The following ERBIN variants were observed in gnomAD, a reference collection of about 807,000 sequenced individuals.
ERBIN encodes erbb2 interacting protein.
In ERBIN, 60 loss-of-function variants were observed where a neutral mutation model predicts 158.4. That is an observed-to-expected ratio of 0.38 (90% confidence interval 0.31 to 0.47). The LOEUF is 0.47. ERBIN is among the 20% of genes least tolerant of loss of function. The pLI is 0.99. For missense variants in ERBIN, 1,610 were observed against 1,648.0 expected, an observed-to-expected ratio of 0.98 and a Z score of 0.40; for synonymous variants, 594 against 557.2, an observed-to-expected ratio of 1.07 and a Z score of -0.93.
Position 66,053,652 on chromosome 5 carries a change from A to G in ERBIN, c.2334A>G (p.Pro778=). 1.2e-6 allele frequency: 2 copies of G among 1,613,454 alleles called. No homozygotes were observed. Among genetic ancestry groups the G allele is most frequent in the Non-Finnish European group, 1.7e-6 (2 of 1,179,792 alleles). The change falls in exon 21 of 26, where the codon CCA becomes CCG. Residue 778 remains proline, a synonymous_variant. Coordinates refer to ENST00000284037, the MANE Select transcript of ERBIN (RefSeq NM_001253697.2). ...TTATAACTAATGATACATTTCAACC[A>G]GAGATCATGGAAAGATCAAAAACAC... is the stretch of plus-strand genomic sequence containing the variant. ...NKLITNDTFQ[P]EIMERSKTQD...
In ERBIN at chr5:66,023,240, T is replaced by C. The variant is rs565034098; in HGVS notation, c.598-50T>C. ...GGGCTTCTTTTGCCAGATAAAGACA[T>C]TCATAAAAATTAATTGAATTACTGC... On this transcript the variant is annotated intron_variant, in intron 8 of 25. Coordinates refer to ENST00000284037, the MANE Select transcript of ERBIN (RefSeq NM_001253697.2). The C allele has an allele frequency of 4.5e-6, 6 of 1,330,572 alleles. No homozygotes were observed. The Admixed American group carries it at 1.1e-4, about 24-fold the overall frequency. The allele number at this position is 1,330,572 out of a possible 1,614,324, so 82.4% of individuals were successfully genotyped here.
rs1449280247 is a variant in ERBIN at position 66,006,169 on chromosome 5, A to G, written c.308-5880A>G. ...ACTACAAGGCTACAGTAACTAAAAC[A>G]GCATAGTACTGATACCAAAACAGAG... On this transcript the variant is annotated intron_variant, in intron 4 of 25. Transcript: ENST00000284037. Among the ~76,000 whole-genome samples, 4 of 152,232 alleles carry G rather than the reference A, an allele frequency of 2.6e-5. No individual in the cohort carries two copies. In the East Asian group the frequency reaches 5.8e-4, roughly 22 times the overall value.
Position 66,050,785 on chromosome 5 carries a change from G to A in ERBIN, c.1906G>A (p.Asp636Asn). 6.6e-7 allele frequency: 1 copy of A among 1,520,334 alleles called. No homozygotes were observed. The highest frequency in any genetic ancestry group is 8.8e-7 in the Non-Finnish European group (1 of 1,134,536). The allele number at this position is 1,520,334 out of a possible 1,614,324, so 94.2% of individuals were successfully genotyped here. A position where few individuals can be genotyped will look rare whatever the true frequency, so the allele number is the denominator to read the frequency against. The change falls in exon 20 of 26, where the codon GAT (aspartate) becomes AAT (asparagine). Residue 636 changes from aspartate (D) to asparagine (N), a missense_variant and splice_region_variant. Asp to Asn is a conservative substitution (Grantham distance 23). Transcript: ENST00000284037. Reference protein sequence around the residue: ...VVALSNNKKDDTKETDSLSDE... With the variant: ...VVALSNNKKDNTKETDSLSDE... ...ATCTTAAATTTGTTTTGTTTCAGAT[G>A]ATACAAAGGAAACAGATTCTTTATC...
chr5:65,957,604 A>G (rs1027084672), intron 1 of ERBIN, among the ~76,000 whole-genome samples: 17 of 152,322 alleles, frequency 1.1e-4, no homozygotes, highest in South Asian at 2.1e-4. Flanking sequence ...GGAGTCTCCC[A>G]TGTCTACTTC....
At chr5:66,032,142 CAGTG>C (rs772201751) in intron 14 of ERBIN, among the ~76,000 whole-genome samples, 1 of 152,088 alleles carries the variant, frequency 6.6e-6, no homozygotes, top group Non-Finnish European at 1.5e-5. Flanking sequence ...AAGAGTGTAA[CAGTG>C]AGACGGAAAA....
rs571153632 is a variant in ERBIN at position 65,957,954 on chromosome 5, G to A, written c.-57-30681G>A. Among the ~76,000 whole-genome samples the A allele has an allele frequency of 8.5e-3, 1,290 of 151,218 alleles. 17 individuals are homozygous for A. Among genetic ancestry groups the A allele is most frequent in the African/African-American group, 0.029 (1,210 of 41,088 alleles). On this transcript the variant is annotated intron_variant, in intron 1 of 25. Transcript: ENST00000284037. ...CACTTCTCAGATGGGGCGGCTGCTG[G>A]GCGGAGGGGCTCCTCACCTCCCAGA... is the stretch of plus-strand genomic sequence containing the variant.
chr5:66,006,325 A>G (rs1404291549), intron 4 of ERBIN, among the ~76,000 whole-genome samples: 1 of 152,228 alleles, frequency 6.6e-6, no homozygotes, highest in Non-Finnish European at 1.5e-5. Context: ...GGTGCTGGGA[A>G]AACTGGCTAG....
chr5:65,960,835 G>A (rs1747823775), intron 1 of ERBIN, among the ~76,000 whole-genome samples: 3 of 152,168 alleles, frequency 2.0e-5, no homozygotes, highest in Non-Finnish European at 2.9e-5. Context: ...TTTACAGTTA[G>A]GTTCTAGGCT....
chr5:66,038,244 A>T (rs1757581921), intron 14 of ERBIN, 139 bp from the exon 15 acceptor site: 1 of 470,516 alleles, frequency 2.1e-6, no homozygotes, highest in African/African-American at 2.0e-5. Context: ...CTAAAGTGTT[A>T]TTGTGTATAG....
chr5:66,076,738 GTA>G, intron 24 of ERBIN, 135 bp from the exon 25 acceptor site: 1 of 682,256 alleles, frequency 1.5e-6, no homozygotes, highest in East Asian at 2.7e-5. Flanking sequence ...GTTTGTTACA[GTA>G]TTACTCAGAG....
chr5:66,040,740 CACTT>C (rs988658555), intron 15 of ERBIN, among the ~76,000 whole-genome samples: 2 of 151,558 alleles, frequency 1.3e-5, no homozygotes, highest in Admixed American at 6.6e-5. Flanking sequence ...GCACTGTTCA[CACTT>C]AATTAATTCT....
In ERBIN at chr5:65,931,276, C is replaced by A. The variant is rs1367042013; in HGVS notation, c.-58+4470C>A. 2.0e-5 allele frequency among the ~76,000 whole-genome samples: 3 copies of A among 152,034 alleles called. No individual in the cohort carries two copies. The East Asian group carries it at 5.8e-4, about 29-fold the overall frequency. On this transcript the variant is annotated intron_variant, in intron 1 of 25. Transcript: ENST00000284037. ...GAGCTGTTTTTGGTTCTTTGGTATCCCAGAAGGCGTGAGAAAGGTACGTTT... is the reference window on the plus strand; with the variant it reads ...GAGCTGTTTTTGGTTCTTTGGTATCACAGAAGGCGTGAGAAAGGTACGTTT...
chr5:66,068,614 T>G (rs999468073), intron 21 of ERBIN, among the ~76,000 whole-genome samples: 10 of 152,194 alleles, frequency 6.6e-5, no homozygotes, highest in Non-Finnish European at 1.5e-4. Flanking sequence ...GGAAATAGCA[T>G]TCTAAAAGCA....
At chr5:65,931,632 T>C (rs1018565420) in intron 1 of ERBIN, among the ~76,000 whole-genome samples, 1 of 152,090 alleles carries the variant, frequency 6.6e-6, no homozygotes, top group Non-Finnish European at 1.5e-5. Flanking sequence ...ATAGCAAAAA[T>C]AGTGGCAATG....
chr5:65,989,040 TTCTTCTTCGTTGTGATTAGAAGATTC>T (rs1610941), intron 2 of ERBIN, among the ~76,000 whole-genome samples: 108,957 of 148,900 alleles, frequency 0.73, 41,646 homozygotes, highest in Non-Finnish European at 0.86. Context: ...GGTCGACACT[TTCTTCTTCGTTGTGATTAGAAGATTC>T]TTATGTCTAC....
intron 1 of ERBIN, among the ~76,000 whole-genome samples, chr5:65,953,838 A>C (rs780844847): frequency 6.6e-6 from 1 of 152,206 alleles, no homozygotes; most frequent in Admixed American, 6.5e-5. Flanking sequence ...ATTGCATATA[A>C]GCTAGGAATG....
At chr5:66,040,973 C>G (rs1372950523) in intron 15 of ERBIN, among the ~76,000 whole-genome samples, 1 of 151,748 alleles carries the variant, frequency 6.6e-6, no homozygotes, top group African/African-American at 2.4e-5. Flanking sequence ...GGGAAGTATG[C>G]CTTCATATAA....
intron 1 of ERBIN, among the ~76,000 whole-genome samples, chr5:65,963,839 G>GAGTGC (rs201970223): frequency 0.039 from 5,747 of 148,258 alleles, 392 homozygotes; most frequent in African/African-American, 0.14. Flanking sequence ...GCCCAGGCTG[G>GAGTGC]AGTGCAGTGG....
chr5:66,066,735 C>T (rs1219877706), intron 21 of ERBIN, among the ~76,000 whole-genome samples: 1 of 152,128 alleles, frequency 6.6e-6, no homozygotes, highest in Admixed American at 6.5e-5. Flanking sequence ...ATGATTAACA[C>T]AACATGGTAA....
Sources: allele counts gnomAD v4.1 joint callset (sites outside exome capture counted in the v4.1 genomes callset), GRCh38; gene constraint gnomAD v4.1.1; transcripts MANE v1.5; gene names NCBI Gene and HGNC (gene_info 2026-07-23, HGNC 2026-07-21).